The following CTPS2 variants were observed in gnomAD, a reference collection of about 807,000 sequenced individuals.
CTPS2 encodes the protein CTP synthase 2, also known as CTP synthase II.
Under a neutral mutation model 46.8 loss-of-function variants are expected in CTPS2, and 19 were observed. The ratio of observed to expected loss-of-function variants is 0.41; its 90% CI spans 0.28 to 0.60. CTPS2 has a LOEUF of 0.60. CTPS2 is among the 20% of genes least tolerant of loss of function. CTPS2 has a pLI of 0.35. For missense variants in CTPS2, 286 were observed against 447.6 expected, an observed-to-expected ratio of 0.64 and a Z score of 3.26; for synonymous variants, 151 against 165.2, an observed-to-expected ratio of 0.91 and a Z score of 0.66.
chrX:16,684,648 T>C (rs1273733107), intron 8 of CTPS2, among the ~76,000 whole-genome samples: 3 of 111,640 alleles, frequency 2.7e-5, no homozygotes, highest in Non-Finnish European at 5.6e-5. Context: ...AAGGTAACTT[T>C]CTAGAAAGAT....
At chrX:16,597,550 T>C (rs1929358618) in intron 17 of CTPS2, among the ~76,000 whole-genome samples, 1 of 112,001 alleles carries the variant, frequency 8.9e-6, no homozygotes, top group Non-Finnish European at 1.9e-5. Flanking sequence ...TCCATTGATC[T>C]ATATCTCTGT....
intron 13 of CTPS2, among the ~76,000 whole-genome samples, chrX:16,657,323 C>G (rs1297273925): frequency 9.2e-6 from 1 of 108,986 alleles, no homozygotes; most frequent in Non-Finnish European, 1.9e-5. Flanking sequence ...ACCCATGCTC[C>G]CACCTCATCT....
intron 2 of CTPS2, among the ~76,000 whole-genome samples, chrX:16,701,029 A>C (rs1924510419): frequency 9.0e-6 from 1 of 111,425 alleles, no homozygotes; most frequent in Non-Finnish European, 1.9e-5. Context: ...AAACCAGGAC[A>C]AGTTAACTAT....
intron 13 of CTPS2, among the ~76,000 whole-genome samples, chrX:16,663,376 G>A (rs1398541237): frequency 9.0e-6 from 1 of 111,416 alleles, no homozygotes; most frequent in Non-Finnish European, 1.9e-5. Context: ...CAAACTCCAA[G>A]ACTCAAGCAG....
rs746165076 is a variant in CTPS2, at chrX:16,617,151, T to G, written c.1545A>C (p.Ala515=). Residue 515 remains alanine, a splice_region_variant and synonymous_variant, in exon 16 of 19, where the codon GCA becomes GCC. Coordinates refer to ENST00000359276, the MANE Select transcript of CTPS2 (RefSeq NM_175859.3). ...TTCAAAAATGAAGAGCCCACTTACT[T>G]GCCAGTTCAATGATTTCCATCCTGT... ...DGDRMEIIEL[A]NHPYFVGVQF... is the part of the protein sequence containing the mutation. 3.2e-5 allele frequency: 38 copies of G among 1,200,228 alleles called. No individual in the cohort carries two copies. Among genetic ancestry groups the G allele is most frequent in the Non-Finnish European group, 4.2e-5 (37 of 887,049 alleles).
intron 13 of CTPS2, chrX:16,654,581 TC>T: frequency 1.9e-6 from 1 of 533,202 alleles, no homozygotes. Context: ...CTATGTGGAA[TC>T]CCCCAAAGTC....
chrX:16,671,570 A>G (rs1323259298), intron 10 of CTPS2, among the ~76,000 whole-genome samples: 2 of 87,790 alleles, frequency 2.3e-5, no homozygotes, highest in Non-Finnish European at 4.2e-5. Context: ...CCTGGAGTGC[A>G]GTGGCGCGAT....
At chrX:16,637,661 G>A (rs1325630196) in intron 14 of CTPS2, among the ~76,000 whole-genome samples, 2 of 111,981 alleles carry the variant, frequency 1.8e-5, no homozygotes, top group African/African-American at 3.2e-5. Flanking sequence ...TTTTTGTCAC[G>A]TAGGCAATTA....
chrX:16,631,353 A>G (rs1396362316), intron 14 of CTPS2, among the ~76,000 whole-genome samples: 5 of 107,024 alleles, frequency 4.7e-5, no homozygotes, highest in Non-Finnish European at 9.6e-5. Context: ...GTCTCAAAAA[A>G]AAAAAAAAAT....
chrX:16,671,465 G>A (rs1281131465), intron 10 of CTPS2, among the ~76,000 whole-genome samples: 1 of 107,461 alleles, frequency 9.3e-6, no homozygotes, highest in Non-Finnish European at 1.9e-5. Flanking sequence ...ACCACAGAAG[G>A]GACAATACTG....
At chrX:16,655,703 C>T (rs1932800614) in intron 13 of CTPS2, among the ~76,000 whole-genome samples, 1 of 112,279 alleles carries the variant, frequency 8.9e-6, no homozygotes, top group Non-Finnish European at 1.9e-5. Context: ...CAACTCTCCT[C>T]CGCAAAACAC....
At chrX:16,710,148 C>G (rs1438499923) in intron 1 of CTPS2, among the ~76,000 whole-genome samples, 1 of 111,306 alleles carries the variant, frequency 9.0e-6, no homozygotes, top group Non-Finnish European at 1.9e-5. Context: ...TTCTATACAA[C>G]AGCTGGCCAT....
intron 15 of CTPS2, among the ~76,000 whole-genome samples, chrX:16,618,437 T>G (rs1161834764): frequency 8.9e-6 from 1 of 112,223 alleles, no homozygotes; most frequent in Non-Finnish European, 1.9e-5. Context: ...GGACATACAT[T>G]TTCATTTCTC....
At position 16,637,636 on chromosome X, in the gene CTPS2, T is replaced by C. The variant is rs368894798; in HGVS notation, c.1393+1511A>G. ...AATAGATATAATTTTAGGACATTAA[T>C]TTTTCACCAACCATTTTTTGTCACG... is the stretch of plus-strand genomic sequence containing the variant. On this transcript the variant is annotated intron_variant, in intron 14 of 18. Transcript: ENST00000359276. Among the ~76,000 whole-genome samples the C allele has an allele frequency of 5.6e-4, 63 of 112,772 alleles. 1 individual carries two copies. Among genetic ancestry groups the C allele is most frequent in the African/African-American group, 1.7e-3 (52 of 31,125 alleles).
Position 16,699,124 on chromosome X carries a change from A to G in CTPS2, c.167-31T>C, listed in dbSNP as rs559568567. ...ATTAAAAAGGCAATGGAAAAATCAA[A>G]ACTTTGCTTCCAGTAGATTTTTCAA... On this transcript the variant is annotated intron_variant, in intron 2 of 18. Transcript: ENST00000359276. 4.7e-6 allele frequency: 5 copies of G among 1,058,061 alleles called. No individual in the cohort carries two copies. The South Asian group carries it at 7.3e-5, about 15-fold the overall frequency. The allele number at this position is 1,058,061 out of a possible 1,213,427, so 87.2% of individuals were successfully genotyped here.
chrX:16,642,433 T>C (rs1932125198), intron 13 of CTPS2, among the ~76,000 whole-genome samples: 1 of 111,466 alleles, frequency 9.0e-6, no homozygotes, highest in South Asian at 3.8e-4. Flanking sequence ...AAGTCGCTGA[T>C]GGAGGGAGGG....
chrX:16,598,640 T>C lies in CTPS2; in HGVS notation c.1692-7778A>G, dbSNP rs202050354. On this transcript the variant is annotated intron_variant, in intron 17 of 18. Coordinates refer to ENST00000359276, the MANE Select transcript of CTPS2 (RefSeq NM_175859.3). The stretch of plus-strand genomic sequence containing the variant: ...ATTCTACCAGAGGTACAAGGAGGAA[T>C]TGGTACCATTCCTTCTGAAACTATT... Among the ~76,000 whole-genome samples, 764 of 108,945 alleles carry C rather than the reference T, an allele frequency of 7.0e-3. 25 individuals carry two copies. The highest frequency in any genetic ancestry group is 0.067 in the East Asian group (232 of 3,467). The allele number at this position is 108,945 out of a possible 115,157, so 94.6% of individuals were successfully genotyped here.
intron 17 of CTPS2, among the ~76,000 whole-genome samples, chrX:16,595,289 C>A (rs749555316): frequency 2.7e-5 from 3 of 111,155 alleles, no homozygotes; most frequent in Non-Finnish European, 5.7e-5. Context: ...TGTCTTGTTA[C>A]ATTTGAAGAG....
chrX:16,644,237 T>G (rs1932207099), intron 13 of CTPS2, among the ~76,000 whole-genome samples: 1 of 110,170 alleles, frequency 9.1e-6, no homozygotes, highest in East Asian at 2.8e-4. Context: ...TGGCTTCAAG[T>G]GATCCTCCCA....
Sources: gnomAD v4.1 joint callset for allele counts (sites outside exome capture counted in the v4.1 genomes callset) on GRCh38, gnomAD v4.1.1 for gene constraint, MANE v1.5 for transcripts, NCBI Gene and HGNC (gene_info 2026-07-23, HGNC 2026-07-21) for gene names.